Variants in CNTNAP3B observed in about 807,000 individuals in gnomAD.
The protein encoded by CNTNAP3B is contactin-associated protein-like 3B.
In CNTNAP3B, 25 loss-of-function variants were observed where a neutral mutation model predicts 108.9. That is an observed-to-expected ratio of 0.23 (90% CI 0.17 to 0.32). The LOEUF is 0.32. Among genes scored for constraint, CNTNAP3B ranks in the 10% least tolerant of loss-of-function variants. CNTNAP3B has a pLI of 1.00. For synonymous variants in CNTNAP3B, 103 were observed against 473.4 expected (o/e 0.22, Z 10.16); for missense variants, 252 against 1,210.4 (o/e 0.21, Z 11.75).
At chr9:42,103,300 G>C (rs1285263845) in intron 2 of CNTNAP3B, among the ~76,000 whole-genome samples, 5 of 148,882 alleles carry the variant, frequency 3.4e-5, no homozygotes, top group Admixed American at 3.3e-4. Flanking sequence ...AAGTTAAATT[G>C]TTCATGTTTC....
At chr9:41,923,602 A>T (rs1333271159) in intron 16 of CNTNAP3B, among the ~76,000 whole-genome samples, 4 of 152,290 alleles carry the variant, frequency 2.6e-5, no homozygotes, top group African/African-American at 9.6e-5. Context: ...CCTCTACCAA[A>T]AATACAAAAA....
At chr9:41,915,983 G>C (rs1194396725) in intron 18 of CNTNAP3B, among the ~76,000 whole-genome samples, 3 of 151,362 alleles carry the variant, frequency 2.0e-5, no homozygotes, top group Non-Finnish European at 4.4e-5. Context: ...ATTTAGAAAA[G>C]TTATTTCTAC....
At chr9:42,041,388 C>G (rs987881734) in intron 3 of CNTNAP3B, among the ~76,000 whole-genome samples, 2 of 151,602 alleles carry the variant, frequency 1.3e-5, no homozygotes, top group Non-Finnish European at 2.9e-5. Flanking sequence ...AACAAATTTA[C>G]AAGAAAGAAT....
chr9:41,934,578 T>C (rs1279301000), intron 14 of CNTNAP3B, among the ~76,000 whole-genome samples: 1 of 152,288 alleles, frequency 6.6e-6, no homozygotes, highest in Non-Finnish European at 1.5e-5. Context: ...GAGATCTTTC[T>C]AGTGAGTTTA....
At chr9:42,090,819 G>A (rs1399204922) in intron 2 of CNTNAP3B, among the ~76,000 whole-genome samples, 1 of 68,426 alleles carries the variant, frequency 1.5e-5, no homozygotes, top group Non-Finnish European at 3.0e-5. Context: ...CCGTATATAT[G>A]TATATATTCC....
At chr9:42,115,238 C>T (rs1828288296) in intron 1 of CNTNAP3B, among the ~76,000 whole-genome samples, 1 of 136,624 alleles carries the variant, frequency 7.3e-6, no homozygotes, top group South Asian at 2.4e-4. Flanking sequence ...GCTCATAAGG[C>T]TAAGAAAATA....
At chr9:41,918,956 T>C (rs1310136071) in intron 18 of CNTNAP3B, among the ~76,000 whole-genome samples, 1 of 151,472 alleles carries the variant, frequency 6.6e-6, no homozygotes, top group Admixed American at 6.6e-5. Flanking sequence ...CAATTTATAG[T>C]GATTAAAGCC....
intron 12 of CNTNAP3B, among the ~76,000 whole-genome samples, chr9:41,956,138 G>A (rs1824850326): frequency 1.3e-5 from 2 of 152,224 alleles, no homozygotes; most frequent in African/African-American, 2.4e-5. Flanking sequence ...TGTAATCCCA[G>A]CACTTTGGGA....
At chr9:41,916,153 T>C (rs1405349481) in intron 18 of CNTNAP3B, among the ~76,000 whole-genome samples, 4 of 147,340 alleles carry the variant, frequency 2.7e-5, no homozygotes, top group Non-Finnish European at 3.0e-5. Context: ...CCATTTCTAG[T>C]TCTCTTTCTT....
intron 13 of CNTNAP3B, among the ~76,000 whole-genome samples, chr9:41,940,747 G>A (rs1450148754): frequency 6.6e-6 from 1 of 152,186 alleles, no homozygotes; most frequent in Non-Finnish European, 1.5e-5. Flanking sequence ...CCCGGGAGGC[G>A]GAGCCTGCAG....
chr9:42,049,363 T>C (rs1260673858), intron 3 of CNTNAP3B, among the ~76,000 whole-genome samples: 4 of 139,422 alleles, frequency 2.9e-5, no homozygotes. Flanking sequence ...AACTGTCCTC[T>C]CCACATTGCC....
chr9:41,951,530 C>T (rs1468209188), intron 13 of CNTNAP3B, among the ~76,000 whole-genome samples: 3 of 152,206 alleles, frequency 2.0e-5, no homozygotes, highest in Non-Finnish European at 4.4e-5. Context: ...ATAAAAGAAA[C>T]CCCATGAGAT....
At chr9:41,977,287 T>C (rs1419040511) in intron 9 of CNTNAP3B, among the ~76,000 whole-genome samples, 2 of 151,682 alleles carry the variant, frequency 1.3e-5, no homozygotes, top group Non-Finnish European at 2.9e-5. Context: ...ATCAACTTTA[T>C]TTAGTATCAC....
chr9:41,969,316 T>G (rs1486697361), intron 10 of CNTNAP3B, among the ~76,000 whole-genome samples: 1 of 150,060 alleles, frequency 6.7e-6, no homozygotes. Flanking sequence ...ACCTCCATAT[T>G]TCATTGAGTA....
At chr9:41,932,457 G>A (rs1824005723) in intron 14 of CNTNAP3B, among the ~76,000 whole-genome samples, 1 of 151,650 alleles carries the variant, frequency 6.6e-6, no homozygotes, top group Non-Finnish European at 1.5e-5. Context: ...CCATAAGTTT[G>A]GGAGGTTGCA....
At position 42,098,045 on chromosome 9, in the gene CNTNAP3B, C is replaced by T. The variant is rs1229926173; in HGVS notation, c.196+6584G>A. 2.2e-5 allele frequency among the ~76,000 whole-genome samples: 3 copies of T among 138,336 alleles called. 1 individual carries two copies. The highest frequency in any genetic ancestry group is 8.6e-5 in the African/African-American group (3 of 34,712). The allele number at this position is 138,336 out of a possible 152,430, so 90.8% of individuals were successfully genotyped here. A position where few individuals can be genotyped will look rare whatever the true frequency, so the allele number is the denominator to read the frequency against. ...ATTTGGAAAAACGAGGGAGTGATATCTCTAAGATTTTTTTCCACAAATAAA... is the reference window on the plus strand; with the variant it reads ...ATTTGGAAAAACGAGGGAGTGATATTTCTAAGATTTTTTTCCACAAATAAA... On this transcript the variant is annotated intron_variant, in intron 2 of 23. Transcript: ENST00000377561.
At chr9:41,918,026 C>G (rs1190584921) in intron 18 of CNTNAP3B, among the ~76,000 whole-genome samples, 1 of 152,306 alleles carries the variant, frequency 6.6e-6, no homozygotes, top group East Asian at 1.9e-4. Context: ...TTTCTAAAGA[C>G]TTTCAATAGT....
chr9:42,036,011 G>C (rs1450110031), intron 3 of CNTNAP3B, among the ~76,000 whole-genome samples: 1 of 146,598 alleles, frequency 6.8e-6, no homozygotes, highest in East Asian at 2.0e-4. Flanking sequence ...GGGAGGCTGA[G>C]GCAGGAGAAT....
intron 9 of CNTNAP3B, among the ~76,000 whole-genome samples, chr9:41,972,968 C>T (rs1167735392): frequency 1.4e-5 from 1 of 73,054 alleles, no homozygotes; most frequent in Non-Finnish European, 2.6e-5. Context: ...ACCTGAGTCT[C>T]ATGCTGTCAC....
Sources: allele counts gnomAD v4.1 joint callset (sites outside exome capture counted in the v4.1 genomes callset), GRCh38; gene constraint gnomAD v4.1.1; transcripts MANE v1.5; gene names NCBI Gene and HGNC (gene_info 2026-07-23, HGNC 2026-07-21).